The following B3GNT4 variants were observed in gnomAD, a reference collection of about 807,000 sequenced individuals.
B3GNT4 encodes N-acetyllactosaminide beta-1,3-N-acetylglucosaminyltransferase 4.
Under a neutral mutation model 2.7 loss-of-function variants are expected in B3GNT4, and 2 were observed. The ratio of observed to expected loss-of-function variants is 0.73; its 90% confidence interval spans 0.30 to 2.31. B3GNT4 has a LOEUF of 2.31. Among genes scored for constraint, B3GNT4 ranks in the 30% most tolerant of loss-of-function variants. The pLI, the probability that B3GNT4 is intolerant of heterozygous loss-of-function variation, is 0.12. For synonymous variants in B3GNT4, 280 were observed against 203.4 expected, an observed-to-expected ratio of 1.38 and a Z score of -3.20; for missense variants, 708 against 490.9, an observed-to-expected ratio of 1.44 and a Z score of -4.18.
At chr12:122,205,446 T>A (rs1471470075) in intron 2 of B3GNT4, 1 of 152,360 alleles carries the variant, frequency 6.6e-6, no homozygotes, top group Non-Finnish European at 1.5e-5. Context: ...TGCGGCAGAC[T>A]GGTCAGAAGT....
intron 2 of B3GNT4, chr12:122,205,610 T>C (rs900402611): frequency 2.6e-5 from 4 of 152,324 alleles, no homozygotes; most frequent in African/African-American, 9.7e-5. Context: ...CATCCTTCTT[T>C]TCAGGTCCCT....
chr12:122,207,596 C>T lies in B3GNT4; in HGVS notation c.*208C>T, dbSNP rs1953952109. The T allele has an allele frequency of 1.5e-6, 1 of 645,298 alleles. No individual in the cohort carries two copies. Among genetic ancestry groups the T allele is most frequent in the Non-Finnish European group, 2.7e-6 (1 of 375,164 alleles). 40.0% of individuals were successfully genotyped at this position (645,298 alleles called of 1,614,324 possible). On this transcript the variant is annotated 3_prime_UTR_variant, in exon 3 of 3. Transcript: ENST00000324189. ...AAAGTGTAGCAAATGCTGCCAGGAA[C>T]CTGTCGGGGCATTCCGGGCGCTGCC...
In B3GNT4 at chr12:122,206,886, A is replaced by C. The variant is rs760658090; in HGVS notation, c.635A>C (p.His212Pro). Residue 212 changes from histidine to proline, a missense_variant, in exon 3 of 3, where the codon CAT (histidine) becomes CCT (proline). Coordinates refer to ENST00000324189, the MANE Select transcript of B3GNT4 (RefSeq NM_030765.4). ...GTGGTGGCTGCCTGCCCCCAGGCCCATTTCATGCTAAAGGGAGATGACGAT... is the reference window on the plus strand; with the variant it reads ...GTGGTGGCTGCCTGCCCCCAGGCCCCTTTCATGCTAAAGGGAGATGACGAT... ...RWVVAACPQA[H>P]FMLKGDDDVF... The C allele has an allele frequency of 9.9e-6, 16 of 1,613,820 alleles. No individual in the cohort carries two copies. The highest frequency in any genetic ancestry group is 1.4e-5 in the Non-Finnish European group (16 of 1,180,006).
chr12:122,208,184 G>A lies in B3GNT4; in HGVS notation c.*796G>A, dbSNP rs1953974828. 1 of 720,716 alleles carries A rather than the reference G, an allele frequency of 1.4e-6. No homozygotes were observed. 44.6% of individuals were successfully genotyped at this position (720,716 alleles called of 1,614,324 possible). ...ATGTTAAACAGGGTGCAGTGCCCAA[G>A]GGCTAAGAACCAGGTCCAGCGCAAG... is the stretch of plus-strand genomic sequence containing the variant. On this transcript the variant is annotated 3_prime_UTR_variant, in exon 3 of 3. Transcript: ENST00000324189.
At position 122,206,857 on chromosome 12, in the gene B3GNT4, C is replaced by G. The variant is rs199695726; in HGVS notation, c.606C>G (p.Arg202=). The part of the protein sequence containing the change: ...NLTLKELHLQ[R]WVVAACPQAH... The stretch of plus-strand genomic sequence containing the variant: ...CGCTCAAGGAGCTGCACCTGCAGCG[C>G]TGGGTGGTGGCTGCCTGCCCCCAGG... The change falls in exon 3 of 3, where the codon CGC becomes CGG. Residue 202 remains arginine (R), a synonymous_variant. Transcript: ENST00000324189. The G allele has an allele frequency of 6.3e-5, 102 of 1,613,732 alleles. No individual in the cohort carries two copies. Among genetic ancestry groups the G allele is most frequent in the Non-Finnish European group, 8.1e-5 (96 of 1,180,016 alleles).
Position 122,206,786 on chromosome 12 carries a change from G to A in B3GNT4, c.535G>A (p.Asp179Asn), listed in dbSNP as rs1209160374. The A allele has an allele frequency of 1.9e-6, 3 of 1,608,582 alleles. No individual in the cohort carries two copies. The highest frequency in any genetic ancestry group is 1.7e-6 in the Non-Finnish European group (2 of 1,177,056). Residue 179 changes from aspartate (D) to asparagine (N), a missense_variant, in exon 3 of 3, where the codon GAT becomes AAT. Coordinates refer to ENST00000324189, the MANE Select transcript of B3GNT4 (RefSeq NM_030765.4). ...QLLAYESREF[D>N]DILQWDFTED... ...GCTGGCCTATGAGAGTAGGGAGTTTGATGACATCCTCCAGTGGGACTTCAC... is the reference window on the plus strand; with the variant it reads ...GCTGGCCTATGAGAGTAGGGAGTTTAATGACATCCTCCAGTGGGACTTCAC...
chr12:122,204,875 C>CA (rs920700217), intron 2 of B3GNT4, 191 bp downstream of exon 2: 4 of 583,034 alleles, frequency 6.9e-6, no homozygotes, highest in South Asian at 2.0e-5. Flanking sequence ...CACATCTCTA[C>CA]AAAAAATAAA....
intron 2 of B3GNT4, 80 bp downstream of exon 2, chr12:122,204,764 G>A: frequency 7.7e-7 from 1 of 1,296,014 alleles, no homozygotes; most frequent in Non-Finnish European, 1.1e-6. Context: ...AGAAAACTCT[G>A]GCCGGTGGCT....
In B3GNT4 at chr12:122,207,282, G is replaced by C; in HGVS notation, c.1031G>C (p.Gly344Ala). The change falls in exon 3 of 3, where the codon GGG becomes GCG. Residue 344 changes from glycine (G) to alanine (A), a missense_variant. Gly to Ala is a moderately conservative substitution (Grantham distance 60, BLOSUM62 0). Transcript: ENST00000324189. The stretch of plus-strand genomic sequence containing the variant: ...CCCTTAGACCCCTGCCTGTATAGGG[G>C]GCTCCTGCTGGTTCACCGCCTCAGC... Reference protein sequence around the residue: ...LDPLDPCLYRGLLLVHRLSPL... With the variant: ...LDPLDPCLYRALLLVHRLSPL... 1 of 1,613,984 alleles carries C rather than the reference G, an allele frequency of 6.2e-7. No individual in the cohort carries two copies. The highest frequency in any genetic ancestry group is 8.5e-7 in the Non-Finnish European group (1 of 1,179,972).
At position 122,208,447 on chromosome 12, in the gene B3GNT4, C is replaced by T. The variant is rs1483411723; in HGVS notation, c.*1059C>T. 2.3e-5 allele frequency: 37 copies of T among 1,613,968 alleles called. No individual in the cohort carries two copies. Among genetic ancestry groups the T allele is most frequent in the Non-Finnish European group, 3.1e-5 (36 of 1,180,040 alleles). On this transcript the variant is annotated 3_prime_UTR_variant, in exon 3 of 3. Coordinates refer to ENST00000324189, the MANE Select transcript of B3GNT4 (RefSeq NM_030765.4). ...GCTCCTCCCCTTCCTCCTGTGTTTT[C>T]TGACGGAGCTCTTCTATCTGTGCTT...
At chr12:122,204,900 C>A (rs1307642478) in intron 2 of B3GNT4, 10 of 559,844 alleles carry the variant, frequency 1.8e-5, no homozygotes, top group African/African-American at 1.3e-4. Flanking sequence ...CCGGGCCCTG[C>A]ACGCCTGTAG....
intron 1 of B3GNT4, 22 bp downstream of exon 1, chr12:122,203,823 C>A (rs921085834): frequency 6.1e-6 from 1 of 164,596 alleles, no homozygotes; most frequent in East Asian, 1.6e-4. Context: ...GCCGGGACGC[C>A]GCTGCTGTGA....
Position 122,208,562 on chromosome 12 carries a change from G to C in B3GNT4, c.*1174G>C, listed in dbSNP as rs767109973. ...CTGAATGTGATTCCTGGCGGTTATAGAGGCCTGATCTGCGCCTGCCAAAAG... is the reference window on the plus strand; with the variant it reads ...CTGAATGTGATTCCTGGCGGTTATACAGGCCTGATCTGCGCCTGCCAAAAG... On this transcript the variant is annotated 3_prime_UTR_variant, in exon 3 of 3. Coordinates refer to ENST00000324189, the MANE Select transcript of B3GNT4 (RefSeq NM_030765.4). The C allele has an allele frequency of 6.2e-7, 1 of 1,613,306 alleles. No homozygotes were observed. Among genetic ancestry groups the C allele is most frequent in the Non-Finnish European group, 8.5e-7 (1 of 1,180,030 alleles).
chr12:122,208,872 T>A lies in B3GNT4; in HGVS notation c.*1484T>A, dbSNP rs1421452359. 8.7e-6 allele frequency: 4 copies of A among 460,946 alleles called. No homozygotes were observed. Among genetic ancestry groups the A allele is most frequent in the Non-Finnish European group, 1.2e-5 (3 of 242,660 alleles). The allele number at this position is 460,946 out of a possible 1,614,324, so 28.6% of individuals were successfully genotyped here. On this transcript the variant is annotated 3_prime_UTR_variant, in exon 3 of 3. Transcript: ENST00000324189. ...GCTACAGAGCTTTTAGTACAGACCT[T>A]TGATTAATTTTTTTAACTACACATC...
rs755754564 is a variant in B3GNT4 at position 122,207,223 on chromosome 12, C to T, written c.972C>T (p.Gly324=). The change falls in exon 3 of 3, where the codon GGC becomes GGT. Residue 324 remains glycine (G), a synonymous_variant. Coordinates refer to ENST00000324189, the MANE Select transcript of B3GNT4 (RefSeq NM_030765.4). The part of the protein sequence containing the change: ...RLGLSPMHHA[G]FKTFGIRRPL... The stretch of plus-strand genomic sequence containing the variant: ...GGCTGAGCCCTATGCACCATGCTGG[C>T]TTCAAGACATTTGGAATCCGGCGGC... 6 of 1,614,008 alleles carry T rather than the reference C, an allele frequency of 3.7e-6. No individual in the cohort carries two copies. The highest frequency in any genetic ancestry group is 5.1e-6 in the Non-Finnish European group (6 of 1,180,030).
Position 122,208,611 on chromosome 12 carries a change from C to T in B3GNT4, c.*1223C>T, listed in dbSNP as rs372001893. ...AGATGGGACAATCGGGTTGAGCAGC[C>T]GTGCAGGGCGCGGAAGGCTCATGTG... On this transcript the variant is annotated 3_prime_UTR_variant, in exon 3 of 3. Coordinates refer to ENST00000324189, the MANE Select transcript of B3GNT4 (RefSeq NM_030765.4). 15 of 1,603,434 alleles carry T rather than the reference C, an allele frequency of 9.4e-6. No homozygotes were observed. The highest frequency in any genetic ancestry group is 5.5e-5 in the South Asian group (5 of 90,568).
rs1157021557 is a variant in B3GNT4, at chr12:122,207,601, C to CG, written c.*217dup. ...GTAGCAAATGCTGCCAGGAACCTGTCGGGGCATTCCGGGCGCTGCCTGGGG... is the reference window on the plus strand; with the variant it reads ...GTAGCAAATGCTGCCAGGAACCTGTCGGGGGCATTCCGGGCGCTGCCTGGGG... On this transcript the variant is annotated 3_prime_UTR_variant, in exon 3 of 3. Coordinates refer to ENST00000324189, the MANE Select transcript of B3GNT4 (RefSeq NM_030765.4). 34 of 635,438 alleles carry CG rather than the reference C, an allele frequency of 5.4e-5. No homozygotes were observed. In the East Asian group the frequency reaches 6.1e-4, roughly 11 times the overall value. The allele number at this position is 635,438 out of a possible 1,614,324, so 39.4% of individuals were successfully genotyped here.
In B3GNT4 at chr12:122,207,189, G is replaced by A. The variant is rs752212574; in HGVS notation, c.938G>A (p.Arg313Lys). Residue 313 changes from arginine to lysine, a missense_variant, in exon 3 of 3, where the codon AGG becomes AAG. Physicochemically the swap from Arg to Lys is conservative, Grantham distance 26 (BLOSUM62 2). Coordinates refer to ENST00000324189, the MANE Select transcript of B3GNT4 (RefSeq NM_030765.4). ...IDDVFVGMCL[R>K]RLGLSPMHHA... ...GATGTCTTTGTGGGTATGTGCCTGA[G>A]GCGGCTGGGGCTGAGCCCTATGCAC... The A allele has an allele frequency of 3.7e-6, 6 of 1,614,062 alleles. No homozygotes were observed. The highest frequency in any genetic ancestry group is 1.1e-5 in the South Asian group (1 of 91,050).
At chr12:122,206,297 C>G (rs761286120) in intron 2 of B3GNT4, 21 bp from the exon 3 acceptor site, 1 of 1,528,326 alleles carries the variant, frequency 6.5e-7, no homozygotes, top group Admixed American at 1.9e-5. Flanking sequence ...GGGCCCTGCT[C>G]AGGTGGCTCT....
Sources: gnomAD v4.1 joint callset for allele counts on GRCh38, gnomAD v4.1.1 for gene constraint, MANE v1.5 for transcripts, NCBI Gene and HGNC (gene_info 2026-07-23, HGNC 2026-07-21) for gene names.